The following NUP214 variants were observed in gnomAD, a reference collection of about 807,000 sequenced individuals.
NUP214 encodes the protein nuclear pore complex protein Nup214.
NUP214 carries 79 observed loss-of-function variants against 196.2 expected under a neutral mutation model. The ratio of observed to expected loss-of-function variants is 0.40; its 90% CI spans 0.34 to 0.49. The LOEUF is 0.49. NUP214 is among the 20% of genes least tolerant of loss of function. The pLI, the probability that NUP214 is intolerant of heterozygous loss-of-function variation, is 0.58. For missense variants in NUP214, 2,468 were observed against 2,539.0 expected, an observed-to-expected ratio of 0.97 and a Z score of 0.60; for synonymous variants, 1,020 against 990.5, an observed-to-expected ratio of 1.03 and a Z score of -0.56.
intron 11 of NUP214, chr9:131,141,670 G>C (rs983708154): frequency 6.6e-6 from 1 of 151,660 alleles, no homozygotes; most frequent in East Asian, 1.9e-4. Context: ...GTAGAGATAG[G>C]GTCTTACTGT....
At chr9:131,140,843 A>G (rs1356764707) in intron 11 of NUP214, 133 bp downstream of exon 11, 1 of 816,940 alleles carries the variant, frequency 1.2e-6, no homozygotes, top group Admixed American at 3.3e-5. Context: ...GAAGGCACAC[A>G]CTAATCTTTT....
chr9:131,219,012 T>C (rs1834482465), intron 31 of NUP214, among the ~76,000 whole-genome samples: 1 of 152,084 alleles, frequency 6.6e-6, no homozygotes. Flanking sequence ...CTGAGGGTCA[T>C]TCAGGCCCAC....
chr9:131,144,190 C>G (rs1588129548), intron 11 of NUP214, 90 bp from the exon 12 acceptor site: 1 of 1,044,252 alleles, frequency 9.6e-7, no homozygotes, highest in East Asian at 2.4e-5. Context: ...TGGCTTTATT[C>G]TACCACAAAT....
intron 31 of NUP214, among the ~76,000 whole-genome samples, chr9:131,219,251 C>G (rs992064567): frequency 6.6e-6 from 1 of 152,222 alleles, no homozygotes; most frequent in African/African-American, 2.4e-5. Flanking sequence ...TGCACAGCTA[C>G]TAAGTGGCGT....
chr9:131,198,977 C>T lies in NUP214; in HGVS notation c.5483C>T (p.Thr1828Ile), dbSNP rs1389780054. The T allele has an allele frequency of 6.2e-7, 1 of 1,611,100 alleles. No homozygotes were observed. The highest frequency in any genetic ancestry group is 1.7e-5 in the Admixed American group (1 of 59,820). The change falls in exon 29 of 36, where the codon ACA becomes ATA. Residue 1828 changes from threonine to isoleucine, a missense_variant. Transcript: ENST00000359428. ...VFGGTSAATT[T>I]AATSGFSFCQ... ...GGTGGTACCTCAGCTGCCACCACAACAGCAGCAACCTCTGGGTTCAGCTTT... is the reference window on the plus strand; with the variant it reads ...GGTGGTACCTCAGCTGCCACCACAATAGCAGCAACCTCTGGGTTCAGCTTT...
intron 31 of NUP214, among the ~76,000 whole-genome samples, chr9:131,218,384 A>G (rs1331093123): frequency 1.3e-5 from 2 of 152,154 alleles, no homozygotes; most frequent in Non-Finnish European, 2.9e-5. Context: ...TCACCACAGT[A>G]CTCAGGATCG....
intron 33 of NUP214, chr9:131,230,072 G>A: frequency 4.4e-6 from 1 of 229,406 alleles, no homozygotes; most frequent in South Asian, 4.8e-5. Context: ...CTGAGTGAGG[G>A]GGCACAGGGG....
chr9:131,155,138 A>G (rs1416032732), intron 17 of NUP214, among the ~76,000 whole-genome samples: 3 of 152,222 alleles, frequency 2.0e-5, no homozygotes, highest in Non-Finnish European at 4.4e-5. Context: ...TTTTCACCAC[A>G]TCCACACCAA....
chr9:131,135,181 C>G (rs1311797933), intron 8 of NUP214, 177 bp downstream of exon 8: 15 of 532,958 alleles, frequency 2.8e-5, no homozygotes, highest in Non-Finnish European at 4.6e-5. Context: ...CCTGGAACTC[C>G]CAGGCTCAAG....
intron 13 of NUP214, among the ~76,000 whole-genome samples, chr9:131,147,118 C>T (rs1252592326): frequency 6.6e-6 from 1 of 151,956 alleles, no homozygotes; most frequent in Non-Finnish European, 1.5e-5. Context: ...TCCTGAGTAG[C>T]TGGGACTACA....
At chr9:131,153,100 A>T (rs1232400388) in intron 17 of NUP214, 1 of 152,110 alleles carries the variant, frequency 6.6e-6, no homozygotes, top group African/African-American at 2.4e-5. Context: ...GCTTTTGCTA[A>T]TCGGATTTTG....
At chr9:131,183,855 A>G (rs1464402564) in intron 24 of NUP214, among the ~76,000 whole-genome samples, 2 of 152,010 alleles carry the variant, frequency 1.3e-5, no homozygotes, top group Non-Finnish European at 2.9e-5. Flanking sequence ...ACATTTTTTC[A>G]TCCTTATTTT....
At chr9:131,162,508 C>T (rs1832670606) in intron 18 of NUP214, among the ~76,000 whole-genome samples, 1 of 152,186 alleles carries the variant, frequency 6.6e-6, no homozygotes, top group South Asian at 2.1e-4. Context: ...TTCTTTTGGG[C>T]AGGTTACCTT....
chr9:131,161,978 C>T (rs1832651715), intron 18 of NUP214, among the ~76,000 whole-genome samples: 1 of 152,136 alleles, frequency 6.6e-6, no homozygotes, highest in Admixed American at 6.5e-5. Flanking sequence ...AACACAAATT[C>T]GTAAACTTTC....
rs556160293 is a variant in NUP214, at chr9:131,150,257, A to C, written c.2041-67A>C. The stretch of plus-strand genomic sequence containing the variant: ...TTACAGGAGCGCCACTCCCTGTAAT[A>C]GGCTCTGATATAATTGCTTGTAGAA... On this transcript the variant is annotated intron_variant, in intron 14 of 35. Coordinates refer to ENST00000359428, the MANE Select transcript of NUP214 (RefSeq NM_005085.4). 608 of 1,355,486 alleles carry C rather than the reference A, an allele frequency of 4.5e-4. 2 individuals are homozygous for C. The African/African-American group carries it at 7.3e-3, about 16-fold the overall frequency. 84.0% of individuals were successfully genotyped at this position (1,355,486 alleles called of 1,614,324 possible).
intron 35 of NUP214, among the ~76,000 whole-genome samples, chr9:131,233,174 G>A (rs528363404): frequency 1.3e-3 from 196 of 151,872 alleles, no homozygotes; most frequent in African/African-American, 4.4e-3. Flanking sequence ...TACATATATA[G>A]ATAAACACAC....
chr9:131,130,132 G>GTTTT (rs1245763919), intron 4 of NUP214, among the ~76,000 whole-genome samples: 3 of 46,548 alleles, frequency 6.4e-5, no homozygotes, highest in Admixed American at 3.3e-4. Context: ...ATGATTTCTG[G>GTTTT]TTTTGTTTTT....
At chr9:131,208,736 G>A (rs1477058909) in intron 30 of NUP214, among the ~76,000 whole-genome samples, 1 of 149,202 alleles carries the variant, frequency 6.7e-6, no homozygotes, top group Non-Finnish European at 1.5e-5. Context: ...TGAAGTTCTC[G>A]GCTGGGCATG....
At chr9:131,231,830 G>C (rs996754651) in intron 34 of NUP214, among the ~76,000 whole-genome samples, 8 of 137,574 alleles carry the variant, frequency 5.8e-5, no homozygotes, top group African/African-American at 2.2e-4. Flanking sequence ...GTTAGCAGTA[G>C]AACCAGGCCT....
Sources: allele counts gnomAD v4.1 joint callset (sites outside exome capture counted in the v4.1 genomes callset), GRCh38; gene constraint gnomAD v4.1.1; transcripts MANE v1.5; gene names NCBI Gene and HGNC (gene_info 2026-07-23, HGNC 2026-07-21).